CPLX4: variants seen among roughly 807,000 people sequenced by gnomAD.
CPLX4 encodes the protein complexin 4.
A neutral mutation model predicts 16.1 loss-of-function variants in CPLX4; 17 were observed. That is an observed-to-expected ratio of 1.06 (90% CI 0.72 to 1.59). The LOEUF is 1.59. Ranked by LOEUF, CPLX4 falls within the 40% of genes most tolerant of loss-of-function variation. The probability of loss-of-function intolerance (pLI) is 0.00; values close to 1 mark genes in which losing one functional copy is unlikely to be tolerated. For synonymous variants in CPLX4, 55 were observed against 57.8 expected, an observed-to-expected ratio of 0.95 and a Z score of 0.22; for missense variants, 193 against 192.9, an observed-to-expected ratio of 1.00 and a Z score of 0.00.
rs2070505673 is a variant in CPLX4, at chr18:59,296,895, C to G, written c.286G>C (p.Ala96Pro). The part of the protein sequence containing the change: ...SEMDENQIQM[A>P]GDDVDLPEDL... ...TCAGGTAAATCCACATCATCTCCAG[C>G]CATCTGGATTTGATTCTCATCCATT... is the stretch of plus-strand genomic sequence containing the variant. Residue 96 changes from alanine to proline, a missense_variant, in exon 3 of 3, where the codon GCT (alanine) becomes CCT (proline). Ala to Pro is a conservative substitution (Grantham distance 27, BLOSUM62 -1). Transcript: ENST00000299721. The G allele has an allele frequency of 1.9e-6, 3 of 1,612,038 alleles. No homozygotes were observed. The highest frequency in any genetic ancestry group is 8.5e-7 in the Non-Finnish European group (1 of 1,179,712).
intron 2 of CPLX4, among the ~76,000 whole-genome samples, chr18:59,298,101 T>A (rs554854484): frequency 3.2e-4 from 48 of 152,240 alleles, no homozygotes; most frequent in Non-Finnish European, 4.6e-4. Context: ...TTATTTTTTT[T>A]TTTTTTTAGA....
chr18:59,308,207 T>C (rs2070590612), intron 2 of CPLX4, among the ~76,000 whole-genome samples: 1 of 152,140 alleles, frequency 6.6e-6, no homozygotes, highest in Admixed American at 6.5e-5. Context: ...CTGAATTCAG[T>C]ATTAGAATAA....
chr18:59,299,940 C>A (rs1419983129), intron 2 of CPLX4, among the ~76,000 whole-genome samples: 1 of 152,180 alleles, frequency 6.6e-6, no homozygotes, highest in Non-Finnish European at 1.5e-5. Flanking sequence ...GTTTGAGAAC[C>A]CCTGCTCTAC....
At chr18:59,314,387 ATT>A (rs2070638644) in intron 1 of CPLX4, among the ~76,000 whole-genome samples, 1 of 151,876 alleles carries the variant, frequency 6.6e-6, no homozygotes, top group Non-Finnish European at 1.5e-5. Flanking sequence ...CTTTATCCAC[ATT>A]TTACTTTTTT....
At chr18:59,305,852 G>A (rs536907047) in intron 2 of CPLX4, among the ~76,000 whole-genome samples, 29 of 152,292 alleles carry the variant, frequency 1.9e-4, no homozygotes, top group Middle Eastern at 3.4e-3. Context: ...GGGGCACCCC[G>A]GAATATCCCA....
intron 2 of CPLX4, among the ~76,000 whole-genome samples, chr18:59,298,681 CAGAA>C (rs2070519647): frequency 6.6e-6 from 1 of 152,146 alleles, no homozygotes; most frequent in Admixed American, 6.5e-5. Flanking sequence ...TAGGAATGAT[CAGAA>C]AGAAACATCA....
At chr18:59,305,696 T>G (rs2070571992) in intron 2 of CPLX4, among the ~76,000 whole-genome samples, 1 of 152,128 alleles carries the variant, frequency 6.6e-6, no homozygotes, top group Admixed American at 6.5e-5. Flanking sequence ...CAAGGAAAGG[T>G]GGCTGCAGTT....
intron 2 of CPLX4, among the ~76,000 whole-genome samples, chr18:59,298,022 C>A (rs2144177382): frequency 6.6e-6 from 1 of 152,252 alleles, no homozygotes; most frequent in Middle Eastern, 3.4e-3. Flanking sequence ...TTGCACATTT[C>A]ATTTTGTGAT....
intron 2 of CPLX4, among the ~76,000 whole-genome samples, chr18:59,301,239 G>T (rs913954647): frequency 2.0e-5 from 3 of 152,244 alleles, no homozygotes; most frequent in African/African-American, 7.2e-5. Flanking sequence ...TACAAGAGGG[G>T]TGTGGGCTCT....
At chr18:59,317,864 C>T (rs8098279) in intron 1 of CPLX4, among the ~76,000 whole-genome samples, 17,033 of 150,306 alleles carry the variant, frequency 0.11, 1,187 homozygotes, top group African/African-American at 0.2. Flanking sequence ...AAGCTGCCCT[C>T]TATGTTATTT....
Position 59,318,487 on chromosome 18 carries a change from C to A in CPLX4, c.-25G>T, listed in dbSNP as rs1198348708. 6.3e-7 allele frequency: 1 copy of A among 1,575,398 alleles called. No homozygotes were observed. Among genetic ancestry groups the A allele is most frequent in the East Asian group, 2.2e-5 (1 of 44,598 alleles). On this transcript the variant is annotated 5_prime_UTR_variant, in exon 1 of 3. Transcript: ENST00000299721. ...TTTTCTCTGCCCCAGAAAAATAAAACCAAAATTCAGACAAAAGCTGAAAAA... is the reference window on the plus strand; with the variant it reads ...TTTTCTCTGCCCCAGAAAAATAAAAACAAAATTCAGACAAAAGCTGAAAAA...
intron 2 of CPLX4, among the ~76,000 whole-genome samples, chr18:59,310,232 C>CA (rs1012429139): frequency 1.3e-5 from 2 of 152,030 alleles, no homozygotes; most frequent in African/African-American, 2.4e-5. Context: ...GGTCCCTCCC[C>CA]CTAGCTGGCT....
chr18:59,316,305 G>A (rs1333572843), intron 1 of CPLX4, among the ~76,000 whole-genome samples: 3 of 152,026 alleles, frequency 2.0e-5, no homozygotes, highest in Non-Finnish European at 2.9e-5. Flanking sequence ...AAAAATGAAT[G>A]TGCATTATTA....
intron 1 of CPLX4, among the ~76,000 whole-genome samples, chr18:59,314,991 T>C (rs1193413116): frequency 6.6e-6 from 1 of 152,242 alleles, no homozygotes; most frequent in Non-Finnish European, 1.5e-5. Context: ...CTAGATTTTT[T>C]TGTGGACATA....
chr18:59,298,975 C>T (rs527661605), intron 2 of CPLX4, among the ~76,000 whole-genome samples: 46 of 152,324 alleles, frequency 3.0e-4, no homozygotes, highest in African/African-American at 1.1e-3. Context: ...ACAGTCTTCA[C>T]CCAGGCCCTC....
intron 1 of CPLX4, among the ~76,000 whole-genome samples, chr18:59,313,026 CAGG>C (rs540961925): frequency 1.4e-4 from 21 of 152,228 alleles, no homozygotes; most frequent in African/African-American, 4.8e-4. Flanking sequence ...TGATGCGAAC[CAGG>C]AGATTTTTCC....
At chr18:59,313,364 G>A (rs1052036184) in intron 1 of CPLX4, among the ~76,000 whole-genome samples, 2 of 152,216 alleles carry the variant, frequency 1.3e-5, no homozygotes, top group Non-Finnish European at 2.9e-5. Flanking sequence ...TTTGGAAGGA[G>A]GTAGCCCCAA....
chr18:59,297,042 T>C, intron 2 of CPLX4, 117 bp from the exon 3 acceptor site: 3 of 1,448,512 alleles, frequency 2.1e-6, no homozygotes, highest in Non-Finnish European at 2.7e-6. Flanking sequence ...TGAGTGGCAC[T>C]CTTGGCCTTG....
chr18:59,311,627 T>C (rs2070617363), intron 2 of CPLX4, among the ~76,000 whole-genome samples: 1 of 152,174 alleles, frequency 6.6e-6, no homozygotes, highest in African/African-American at 2.4e-5. Context: ...TGGAAGATGT[T>C]CTTTAAGGGA....
Sources: gnomAD v4.1 joint callset for allele counts (sites outside exome capture counted in the v4.1 genomes callset) on GRCh38, gnomAD v4.1.1 for gene constraint, MANE v1.5 for transcripts, NCBI Gene and HGNC (gene_info 2026-07-23, HGNC 2026-07-21) for gene names.